ZNF420: variants seen among roughly 807,000 people sequenced by gnomAD.
ZNF420 encodes ATM and p53-associated KZNF protein.
A neutral mutation model predicts 44.7 loss-of-function variants in ZNF420; 31 were observed. The observed-to-expected ratio is 0.69, with a 90% CI of 0.52 to 0.94. The LOEUF (loss-of-function observed/expected upper bound fraction) is 0.94, where lower values mean the gene tolerates loss of function less well. Among genes scored for constraint, ZNF420 ranks in the 40% least tolerant of loss-of-function variants. ZNF420 has a pLI of 0.00. For missense variants in ZNF420, 681 were observed against 827.9 expected, an observed-to-expected ratio of 0.82 and a Z score of 2.18; for synonymous variants, 245 against 267.4, an observed-to-expected ratio of 0.92 and a Z score of 0.82.
rs558586787 is a variant in ZNF420, at chr19:37,054,485, C to T, written c.-124-25860C>T. ...GCTCTAGACTGGAGCTGTTCCTATT[C>T]AGCCATCTTGGCTCCACCGAACAAA... is the stretch of plus-strand genomic sequence containing the variant. On this transcript the variant is annotated intron_variant, in intron 1 of 4. Coordinates refer to the ZNF420 transcript ENST00000587029. Among the ~76,000 whole-genome samples, 13 of 152,280 alleles carry T rather than the reference C, an allele frequency of 8.5e-5. No homozygotes were observed. The South Asian group carries it at 2.5e-3, about 29-fold the overall frequency.
At chr19:37,074,202 AT>A (rs1439399550), upstream of ZNF420, among the ~76,000 whole-genome samples, 1 of 152,098 alleles carries the variant, frequency 6.6e-6, no homozygotes, top group Non-Finnish European at 1.5e-5. Flanking sequence ...AAAAAAAGGT[AT>A]TTTTTTACCA....
chr19:37,007,973 C>T, exon 1 of ZNF420: 1 of 167,540 alleles, frequency 6.0e-6, no homozygotes, highest in Non-Finnish European at 1.3e-5. Flanking sequence ...ACAGGACGTT[C>T]TCCGAATGCC....
chr19:37,101,504 A>ATCAG (rs1424760417), intron 4 of ZNF420, among the ~76,000 whole-genome samples: 1 of 152,188 alleles, frequency 6.6e-6, no homozygotes, highest in Non-Finnish European at 1.5e-5. Context: ...CAATCAATCA[A>ATCAG]TCAGTCAATC....
chr19:37,097,767 T>G (rs1969539120), intron 4 of ZNF420, among the ~76,000 whole-genome samples: 1 of 152,192 alleles, frequency 6.6e-6, no homozygotes, highest in African/African-American at 2.4e-5. Context: ...GATCATGATG[T>G]GTTATGCCTT....
intron 4 of ZNF420, among the ~76,000 whole-genome samples, chr19:37,112,876 C>T (rs957871689): frequency 1.3e-5 from 2 of 152,124 alleles, no homozygotes; most frequent in African/African-American, 4.8e-5. Flanking sequence ...CCCCTCAGGC[C>T]GTGGGCCATA....
intron 2 of ZNF420, among the ~76,000 whole-genome samples, chr19:37,081,700 A>ATTTTT (rs35066350): frequency 3.0e-5 from 2 of 66,896 alleles, no homozygotes; most frequent in Admixed American, 1.8e-4. Context: ...TAATTTTTGT[A>ATTTTT]TTTTTTTTTT....
intron 1 of ZNF420, among the ~76,000 whole-genome samples, chr19:37,008,368 A>G (rs966523703): frequency 1.3e-5 from 2 of 151,892 alleles, no homozygotes; most frequent in Non-Finnish European, 2.9e-5. Context: ...CCAAAGGGCA[A>G]TTTCTTGCAT....
intron 4 of ZNF420, among the ~76,000 whole-genome samples, chr19:37,100,994 C>CTTT (rs35330746): frequency 7.3e-5 from 10 of 137,102 alleles, no homozygotes; most frequent in East Asian, 4.4e-4. Flanking sequence ...AAATTTATTC[C>CTTT]TTTTTTTTTT....
At chr19:37,010,989 C>G (rs887764389) in intron 1 of ZNF420, among the ~76,000 whole-genome samples, 2 of 152,138 alleles carry the variant, frequency 1.3e-5, no homozygotes, top group African/African-American at 4.8e-5. Context: ...TGGGACATGG[C>G]AAAAACCCCT....
chr19:37,040,770 T>C (rs1967438650), intron 1 of ZNF420, among the ~76,000 whole-genome samples: 1 of 152,128 alleles, frequency 6.6e-6, no homozygotes, highest in Admixed American at 6.5e-5. Context: ...CTCCATACTA[T>C]TGTTTTGTGG....
chr19:37,031,735 C>T (rs1372717976), intron 1 of ZNF420, among the ~76,000 whole-genome samples: 6 of 152,066 alleles, frequency 3.9e-5, no homozygotes, highest in African/African-American at 1.4e-4. Flanking sequence ...TAGTCTCAAA[C>T]TCCTGACCCC....
intron 4 of ZNF420, among the ~76,000 whole-genome samples, chr19:37,106,330 T>C (rs546504991): frequency 6.6e-6 from 1 of 152,304 alleles, no homozygotes; most frequent in African/African-American, 2.4e-5. Flanking sequence ...TTGATTTGCA[T>C]ATGTTGAACC....
In ZNF420 at chr19:37,065,188, G is replaced by C. The variant is rs569193460; in HGVS notation, c.-124-15157G>C. On this transcript the variant is annotated intron_variant, in intron 1 of 4. Coordinates refer to the ZNF420 transcript ENST00000587029. ...AGCCAGCAAGTCTAGATACATTCCA[G>C]AGCCATGAGCCCTGGATTCTATCCA... Among the ~76,000 whole-genome samples, 4 of 152,276 alleles carry C rather than the reference G, an allele frequency of 2.6e-5. No homozygotes were observed. In the South Asian group the frequency reaches 8.3e-4, roughly 32 times the overall value.
chr19:37,070,799 A>T (rs1437896635), intron 1 of ZNF420, among the ~76,000 whole-genome samples: 1 of 152,228 alleles, frequency 6.6e-6, no homozygotes, highest in Non-Finnish European at 1.5e-5. Context: ...TTTGGAAAAT[A>T]TTGCATATTG....
At chr19:37,079,104 A>C (rs1968282817) in intron 1 of ZNF420, among the ~76,000 whole-genome samples, 1 of 152,094 alleles carries the variant, frequency 6.6e-6, no homozygotes, top group African/African-American at 2.4e-5. Flanking sequence ...AGAGACTAAA[A>C]TTGCAGCTTT....
chr19:37,013,408 A>T (rs56965972), intron 1 of ZNF420, among the ~76,000 whole-genome samples: 3,879 of 152,244 alleles, frequency 0.025, 170 homozygotes, highest in African/African-American at 0.089. Context: ...CTTGCCGATC[A>T]CAATCACTCC....
intron 1 of ZNF420, among the ~76,000 whole-genome samples, chr19:37,032,460 G>A (rs1410486798): frequency 1.3e-5 from 2 of 150,492 alleles, no homozygotes; most frequent in African/African-American, 2.5e-5. Context: ...AGCCAAGATC[G>A]CGCTCTGCAC....
At chr19:37,126,919 A>T (rs1971374083) in intron 4 of ZNF420, among the ~76,000 whole-genome samples, 1 of 152,202 alleles carries the variant, frequency 6.6e-6, no homozygotes, top group Non-Finnish European at 1.5e-5. Flanking sequence ...ATTGCAGAAT[A>T]GAATAGAAAG....
At chr19:37,101,981 A>G (rs1190455306) in intron 4 of ZNF420, among the ~76,000 whole-genome samples, 1 of 152,132 alleles carries the variant, frequency 6.6e-6, no homozygotes, top group African/African-American at 2.4e-5. Flanking sequence ...CAGATGGGGT[A>G]GTTCTATGAC....
Sources: gnomAD v4.1 joint callset for allele counts (sites outside exome capture counted in the v4.1 genomes callset) on GRCh38, gnomAD v4.1.1 for gene constraint, MANE v1.5 for transcripts, NCBI Gene and HGNC (gene_info 2026-07-23, HGNC 2026-07-21) for gene names.